Variants in SIAH2 observed in about 807,000 individuals in gnomAD.
SIAH2 encodes the protein E3 ubiquitin-protein ligase SIAH2.
Under a neutral mutation model 20.4 loss-of-function variants are expected in SIAH2, and 4 were observed. That is an observed-to-expected ratio of 0.20 (90% CI 0.10 to 0.45). SIAH2 has a LOEUF of 0.45. Among genes scored for constraint, SIAH2 ranks in the 20% least tolerant of loss-of-function variants. The probability of loss-of-function intolerance (pLI) is 0.99; values close to 1 mark genes in which losing one functional copy is unlikely to be tolerated. For missense variants in SIAH2, 259 were observed against 440.3 expected, an observed-to-expected ratio of 0.59 and a Z score of 3.69; for synonymous variants, 171 against 192.5, an observed-to-expected ratio of 0.89 and a Z score of 0.93.
At chr3:150,744,059 T>G (rs1010123478) in intron 1 of SIAH2, among the ~76,000 whole-genome samples, 1 of 151,900 alleles carries the variant, frequency 6.6e-6, no homozygotes, top group African/African-American at 2.4e-5. Flanking sequence ...CTCTCTACCC[T>G]GCTTTATAGA....
At chr3:150,748,705 T>C (rs933986781) in intron 1 of SIAH2, among the ~76,000 whole-genome samples, 1 of 152,256 alleles carries the variant, frequency 6.6e-6, no homozygotes, top group Admixed American at 6.5e-5. Flanking sequence ...TTGTTGTTGA[T>C]GCTCATAAAC....
chr3:150,750,720 GAGA>G (rs1427610109), intron 1 of SIAH2, among the ~76,000 whole-genome samples: 5 of 152,168 alleles, frequency 3.3e-5, no homozygotes, highest in Admixed American at 6.5e-5. Flanking sequence ...GCCTGGCAGT[GAGA>G]AGGTTTATAG....
chr3:150,756,281 G>A (rs900840617), intron 1 of SIAH2, among the ~76,000 whole-genome samples: 8 of 152,078 alleles, frequency 5.3e-5, no homozygotes, highest in Admixed American at 2.6e-4. Flanking sequence ...TGAAAAACTC[G>A]CCAGCAATAC....
chr3:150,744,198 A>G (rs1714162185), intron 1 of SIAH2, among the ~76,000 whole-genome samples: 1 of 152,172 alleles, frequency 6.6e-6, no homozygotes, highest in African/African-American at 2.4e-5. Context: ...AGTCACTCAG[A>G]GGATTCCGAA....
chr3:150,755,503 GTATT>G (rs1714467674), intron 1 of SIAH2, among the ~76,000 whole-genome samples: 1 of 150,282 alleles, frequency 6.7e-6, no homozygotes, highest in Admixed American at 6.6e-5. Flanking sequence ...GCTAATTTTT[GTATT>G]TATTTATTTA....
Position 150,741,988 on chromosome 3 carries a change from G to GGTC in SIAH2, c.*150_*152dup. Reference sequence around the variant, plus strand: ...CATCCCAGGTTAATGAACTTTGTTGGGTCGAAGCCAGATGGGACACTGCTG... The same window carrying GGTC: ...CATCCCAGGTTAATGAACTTTGTTGGGTCGTCGAAGCCAGATGGGACACTGCTG... On this transcript the variant is annotated 3_prime_UTR_variant, in exon 2 of 2. Coordinates refer to ENST00000312960, the MANE Select transcript of SIAH2 (RefSeq NM_005067.7). The GGTC allele has an allele frequency of 1.4e-6, 1 of 720,352 alleles. No individual in the cohort carries two copies. Among genetic ancestry groups the GGTC allele is most frequent in the Non-Finnish European group, 2.3e-6 (1 of 436,706 alleles). The allele number at this position is 720,352 out of a possible 1,614,324, so 44.6% of individuals were successfully genotyped here.
rs1228679327 is a variant in SIAH2 at position 150,762,244 on chromosome 3, C to T, written c.417+189G>A. On this transcript the variant is annotated intron_variant, in intron 1 of 1. Transcript: ENST00000312960. This position sits in a 1 kb window ranked among gnomAD's most constrained non-coding sequence, Gnocchi z 6.6. Reference sequence around the variant, plus strand: ...GTTAATTGTCTATTAACAATTATTACTCGGTAAATGTCAACCCAGACCTAC... The same window carrying T: ...GTTAATTGTCTATTAACAATTATTATTCGGTAAATGTCAACCCAGACCTAC... The T allele has an allele frequency of 5.2e-6, 6 of 1,162,910 alleles. No homozygotes were observed. The highest frequency in any genetic ancestry group is 3.1e-5 in the African/African-American group (2 of 63,584). The allele number at this position is 1,162,910 out of a possible 1,614,324, so 72.0% of individuals were successfully genotyped here.
Position 150,763,051 on chromosome 3 carries a change from G to T in SIAH2, c.-202C>A. The T allele has an allele frequency of 2.5e-6, 1 of 408,140 alleles. No homozygotes were observed. The highest frequency in any genetic ancestry group is 3.4e-6 in the Non-Finnish European group (1 of 291,704). 25.3% of individuals were successfully genotyped at this position (408,140 alleles called of 1,614,324 possible). Reference sequence around the variant, plus strand: ...CACTCCGCAGCCCCCGGCGTTCCGAGCACGCCTCCGCGTCGGACCCCGCGC... The same window carrying T: ...CACTCCGCAGCCCCCGGCGTTCCGATCACGCCTCCGCGTCGGACCCCGCGC... On this transcript the variant is annotated 5_prime_UTR_variant, in exon 1 of 2. Coordinates refer to ENST00000312960, the MANE Select transcript of SIAH2 (RefSeq NM_005067.7). This position sits in a 1 kb window ranked among gnomAD's most constrained non-coding sequence, Gnocchi z 4.1.
chr3:150,748,936 G>A (rs1482858129), intron 1 of SIAH2, among the ~76,000 whole-genome samples: 1 of 152,172 alleles, frequency 6.6e-6, no homozygotes, highest in East Asian at 1.9e-4. Context: ...AATAGGATCT[G>A]CTGTGTGTCA....
In SIAH2 at chr3:150,762,751, C is replaced by G; in HGVS notation, c.99G>C (p.Pro33=). The G allele has an allele frequency of 8.5e-7, 1 of 1,181,662 alleles. No homozygotes were observed. Among genetic ancestry groups the G allele is most frequent in the Non-Finnish European group, 1.1e-6 (1 of 948,908 alleles). 73.2% of individuals were successfully genotyped at this position (1,181,662 alleles called of 1,614,324 possible). The stretch of plus-strand genomic sequence containing the variant: ...CCGCAGCCGAGATGGTGGCGGCGGC[C>G]GGGGGCGCAGCCGGGGACGGAGTGT... ...PQHTPSPAAP[P]AAATISAAGP... The change falls in exon 1 of 2, where the codon CCG becomes CCC. Residue 33 remains proline, a synonymous_variant. Transcript: ENST00000312960. This position sits in a 1 kb window ranked among gnomAD's most constrained non-coding sequence, Gnocchi z 6.6.
chr3:150,751,118 C>A (rs1194137746), intron 1 of SIAH2, among the ~76,000 whole-genome samples: 5 of 152,160 alleles, frequency 3.3e-5, no homozygotes, highest in African/African-American at 1.2e-4. Flanking sequence ...AATTCCTGAA[C>A]TCTGCTGTGA....
intron 1 of SIAH2, among the ~76,000 whole-genome samples, chr3:150,744,420 C>T (rs1482306554): frequency 1.3e-5 from 2 of 152,298 alleles, no homozygotes; most frequent in East Asian, 1.9e-4. Flanking sequence ...GAACTAATTT[C>T]TAAAGCCTGG....
chr3:150,747,010 G>A (rs1460920113), intron 1 of SIAH2, among the ~76,000 whole-genome samples: 2 of 152,258 alleles, frequency 1.3e-5, no homozygotes, highest in Non-Finnish European at 1.5e-5. Context: ...GCTTCACAAG[G>A]AGCAGAGCCC....
chr3:150,760,932 A>T (rs570531771), intron 1 of SIAH2, among the ~76,000 whole-genome samples: 22 of 152,380 alleles, frequency 1.4e-4, no homozygotes, highest in African/African-American at 5.3e-4. Flanking sequence ...ATTAGTAAGC[A>T]CTATATGAGG....
At chr3:150,759,622 C>T (rs1242655360) in intron 1 of SIAH2, among the ~76,000 whole-genome samples, 2 of 151,992 alleles carry the variant, frequency 1.3e-5, no homozygotes, top group African/African-American at 2.4e-5. Flanking sequence ...TGGACTGGTC[C>T]TCTTACTAGC....
At chr3:150,744,689 T>G (rs1023313224) in intron 1 of SIAH2, among the ~76,000 whole-genome samples, 6 of 151,924 alleles carry the variant, frequency 3.9e-5, no homozygotes, top group Admixed American at 6.6e-5. Flanking sequence ...CGAAACAAGC[T>G]CTCAATATCT....
chr3:150,755,319 TC>T (rs1559937534), intron 1 of SIAH2, among the ~76,000 whole-genome samples: 5 of 140,438 alleles, frequency 3.6e-5, no homozygotes, highest in South Asian at 2.3e-4. Flanking sequence ...TTTCTTTTCT[TC>T]CCTTTTTTTT....
At position 150,750,606 on chromosome 3, in the gene SIAH2, C is replaced by T. The variant is rs138913269; in HGVS notation, c.418-7908G>A. Among the ~76,000 whole-genome samples, 116 of 151,692 alleles carry T rather than the reference C, an allele frequency of 7.6e-4. 1 individual carries two copies. The Middle Eastern group carries it at 0.01, about 13-fold the overall frequency. On this transcript the variant is annotated intron_variant, in intron 1 of 1. Coordinates refer to ENST00000312960, the MANE Select transcript of SIAH2 (RefSeq NM_005067.7). ...AAAATTTTTTTTTTTATTGAAATGA[C>T]GGGGTCTCACTTTGTTAGCCAGGGT...
intron 1 of SIAH2, among the ~76,000 whole-genome samples, chr3:150,749,820 C>T (rs541139711): frequency 6.6e-6 from 1 of 152,206 alleles, no homozygotes; most frequent in South Asian, 2.1e-4. Flanking sequence ...CTCCATTGTC[C>T]TCTGATCCTT....
Sources: allele counts gnomAD v4.1 joint callset (sites outside exome capture counted in the v4.1 genomes callset), GRCh38; gene constraint gnomAD v4.1.1; non-coding constraint Gnocchi (gnomAD v3.1); transcripts MANE v1.5; gene names NCBI Gene and HGNC (gene_info 2026-07-23, HGNC 2026-07-21).